SRPRA: variants seen among roughly 807,000 people sequenced by gnomAD.
SRPRA encodes signal recognition particle receptor subunit alpha.
A neutral mutation model predicts 61.1 loss-of-function variants in SRPRA; 30 were observed. That is an observed-to-expected ratio of 0.49 (90% CI 0.37 to 0.67). SRPRA has a LOEUF of 0.67. SRPRA is among the 30% of genes least tolerant of loss of function. The pLI, the probability that SRPRA is intolerant of heterozygous loss-of-function variation, is 0.00. For missense variants in SRPRA, 759 were observed against 828.4 expected, an observed-to-expected ratio of 0.92 and a Z score of 1.03; for synonymous variants, 324 against 299.7, an observed-to-expected ratio of 1.08 and a Z score of -0.84.
chr11:126,244,335 A>G, the SRPRA span, among the ~76,000 whole-genome samples: 4 of 152,228 alleles, frequency 2.6e-5, no homozygotes, highest in Non-Finnish European at 5.9e-5. The surrounding 1 kb of genome is among the most constrained non-coding windows in gnomAD (Gnocchi z 4.5). Flanking sequence ...TCTATAGAAG[A>G]TCCTAGGTTA....
chr11:126,245,950 A>C, the SRPRA span, among the ~76,000 whole-genome samples: 20 of 150,604 alleles, frequency 1.3e-4, 2 homozygotes, highest in African/African-American at 4.4e-4. Context: ...GAGCCGAGAT[A>C]GCGCCATTGC....
At chr11:126,241,613 G>C in the SRPRA span, among the ~76,000 whole-genome samples, 90 of 151,780 alleles carry the variant, frequency 5.9e-4, 1 homozygote, top group African/African-American at 2.1e-3. Flanking sequence ...TCAGTGGTTC[G>C]ATCTCGCCTC....
At chr11:126,241,904 A>G in the SRPRA span, among the ~76,000 whole-genome samples, 3 of 151,312 alleles carry the variant, frequency 2.0e-5, no homozygotes, top group Non-Finnish European at 2.9e-5. Flanking sequence ...GGGCACCTGT[A>G]ATCCCAGCTG....
In SRPRA at chr11:126,264,256, T is replaced by C. The variant is rs752361816; in HGVS notation, c.1723A>G (p.Met575Val). Residue 575 changes from methionine to valine, a missense_variant, in exon 13 of 14, where the codon ATG becomes GTG. Met to Val is a conservative substitution (Grantham distance 21). Transcript: ENST00000332118. The surrounding 1 kb of genome is among the most constrained non-coding windows in gnomAD (Gnocchi z 5.0). ...TCAATGAGCCGAGGTGTCTGAGCCATAGAATGGTCAGCCAAGGCTCTGTTG... is the reference window on the plus strand; with the variant it reads ...TCAATGAGCCGAGGTGTCTGAGCCACAGAATGGTCAGCCAAGGCTCTGTTG... The part of the protein sequence containing the change: ...KFNRALADHS[M>V]AQTPRLIDGI... The C allele has an allele frequency of 9.9e-6, 16 of 1,613,962 alleles. No individual in the cohort carries two copies. The highest frequency in any genetic ancestry group is 5.0e-5 in the Admixed American group (3 of 59,990).
Position 126,266,521 on chromosome 11 carries a change from G to C in SRPRA, c.795C>G (p.Thr265=). Residue 265 remains threonine, a synonymous_variant, in exon 6 of 14, where the codon ACC becomes ACG. Transcript: ENST00000332118. ...AGGCAGCCTCAGGGGTTCCATTGGT[G>C]GTGGGAGTACTGTAATCCAACACTT... ...NKEVLDYSTP[T]TNGTPEAALS... is the part of the protein sequence containing the mutation. The C allele has an allele frequency of 6.2e-7, 1 of 1,614,214 alleles. No individual in the cohort carries two copies. The highest frequency in any genetic ancestry group is 8.5e-7 in the Non-Finnish European group (1 of 1,180,030).
At chr11:126,248,552 TAG>T in the SRPRA span, among the ~76,000 whole-genome samples, 90 of 151,840 alleles carry the variant, frequency 5.9e-4, no homozygotes, top group African/African-American at 2.1e-3. Flanking sequence ...TTATTTTTAG[TAG>T]AGAGATGGGG....
chr11:126,256,514 C>T, the SRPRA span: 1 of 1,556,534 alleles, frequency 6.4e-7, no homozygotes, highest in African/African-American at 1.4e-5. This position sits in a 1 kb window ranked among gnomAD's most constrained non-coding sequence, Gnocchi z 6.6. Context: ...TTGTTTCAGA[C>T]TTGCCTTGAG....
At chr11:126,256,819 C>T in the SRPRA span, 1 of 1,612,754 alleles carries the variant, frequency 6.2e-7, no homozygotes. This position sits in a 1 kb window ranked among gnomAD's most constrained non-coding sequence, Gnocchi z 6.6. Flanking sequence ...TTTCAAGCGA[C>T]TGACATGTGA....
At position 126,267,831 on chromosome 11, in the gene SRPRA, TGA is replaced by T. The variant is rs1446001126; in HGVS notation, c.202-121_202-120del. ...AGCTACCTGGCCGGTTTCCCTGTCC[TGA>T]GAGGCAGCCAAGCTCCCTGCCTGGG... is the stretch of plus-strand genomic sequence containing the variant. On this transcript the variant is annotated intron_variant, in intron 2 of 13. Transcript: ENST00000332118. The surrounding 1 kb of genome is among the most constrained non-coding windows in gnomAD (Gnocchi z 4.2). The T allele has an allele frequency of 1.4e-6, 2 of 1,477,730 alleles. No homozygotes were observed. The highest frequency in any genetic ancestry group is 2.8e-5 in the African/African-American group (2 of 71,928). The allele number at this position is 1,477,730 out of a possible 1,614,324, so 91.5% of individuals were successfully genotyped here.
downstream of SRPRA, among the ~76,000 whole-genome samples, chr11:126,260,000 G>C (rs931310652): frequency 6.6e-6 from 1 of 152,078 alleles, no homozygotes; most frequent in African/African-American, 2.4e-5. Context: ...GATTACAGGC[G>C]TGAGCCACTG....
the SRPRA span, chr11:126,256,762 A>G: frequency 6.2e-7 from 1 of 1,614,118 alleles, no homozygotes; most frequent in Middle Eastern, 1.6e-4. The surrounding 1 kb of genome is among the most constrained non-coding windows in gnomAD (Gnocchi z 6.6). Flanking sequence ...GGACAAGGGG[A>G]TTAAAGTCAT....
chr11:126,267,744 G>A lies in SRPRA; in HGVS notation c.202-32C>T. ...AGGGGAAGAAACAGCCAACAGATCTGCTTACATACTAGCCTAGAATGGAGG... is the reference window on the plus strand; with the variant it reads ...AGGGGAAGAAACAGCCAACAGATCTACTTACATACTAGCCTAGAATGGAGG... On this transcript the variant is annotated intron_variant, in intron 2 of 13. Coordinates refer to ENST00000332118, the MANE Select transcript of SRPRA (RefSeq NM_003139.4). The surrounding 1 kb of genome is among the most constrained non-coding windows in gnomAD (Gnocchi z 4.2). 1 of 1,612,854 alleles carries A rather than the reference G, an allele frequency of 6.2e-7. No homozygotes were observed. The highest frequency in any genetic ancestry group is 8.5e-7 in the Non-Finnish European group (1 of 1,179,306).
At chr11:126,243,820 C>G in the SRPRA span, among the ~76,000 whole-genome samples, 1 of 151,390 alleles carries the variant, frequency 6.6e-6, no homozygotes, top group Non-Finnish European at 1.5e-5. Flanking sequence ...AGGAGAATTG[C>G]TGGAACCCGG....
Position 126,264,063 on chromosome 11 carries a change from C to T in SRPRA, c.1789-19G>A. 3 of 1,613,984 alleles carry T rather than the reference C, an allele frequency of 1.9e-6. No homozygotes were observed. Among genetic ancestry groups the T allele is most frequent in the South Asian group, 1.1e-5 (1 of 91,066 alleles). On this transcript the variant is annotated intron_variant, in intron 13 of 13. Transcript: ENST00000332118. This position sits in a 1 kb window ranked among gnomAD's most constrained non-coding sequence, Gnocchi z 5.0. ...CTCCCACCTAAGTGGAGAAAGAGGA[C>T]AGCCCATCAACACAAGCCCACTTTT... is the stretch of plus-strand genomic sequence containing the variant.
downstream of SRPRA, chr11:126,262,172 A>G: frequency 6.2e-7 from 1 of 1,607,674 alleles, no homozygotes; most frequent in Non-Finnish European, 8.5e-7. Flanking sequence ...ACCAAGCTGT[A>G]AGGCCCTACT....
chr11:126,256,144 A>C, the SRPRA span, among the ~76,000 whole-genome samples: 1 of 152,036 alleles, frequency 6.6e-6, no homozygotes, highest in East Asian at 1.9e-4. This position sits in a 1 kb window ranked among gnomAD's most constrained non-coding sequence, Gnocchi z 6.6. Flanking sequence ...GGTGGTGCAC[A>C]CTTGTAATAT....
At chr11:126,242,735 G>C in the SRPRA span, among the ~76,000 whole-genome samples, 1 of 152,198 alleles carries the variant, frequency 6.6e-6, no homozygotes, top group African/African-American at 2.4e-5. Flanking sequence ...ACAATAATAA[G>C]TGTTATTAAG....
chr11:126,260,239 C>A (rs969417160), downstream of SRPRA, among the ~76,000 whole-genome samples: 1 of 151,668 alleles, frequency 6.6e-6, no homozygotes, highest in Non-Finnish European at 1.5e-5. Flanking sequence ...CGCCATGTTG[C>A]CCAGGCTGTT....
At chr11:126,250,547 A>C in the SRPRA span, 53 of 1,614,026 alleles carry the variant, frequency 3.3e-5, no homozygotes, top group Non-Finnish European at 4.0e-5. This position sits in a 1 kb window ranked among gnomAD's most constrained non-coding sequence, Gnocchi z 5.1. Flanking sequence ...AGGACTGTTT[A>C]TATGAAGTAT....
Sources: allele counts gnomAD v4.1 joint callset (sites outside exome capture counted in the v4.1 genomes callset), GRCh38; gene constraint gnomAD v4.1.1; non-coding constraint Gnocchi (gnomAD v3.1); transcripts MANE v1.5; gene names NCBI Gene and HGNC (gene_info 2026-07-23, HGNC 2026-07-21).